The following TAF1D variants were observed in gnomAD, a reference collection of about 807,000 sequenced individuals.
TAF1D encodes the protein TATA-box binding protein associated factor, RNA polymerase I subunit D.
A neutral mutation model predicts 26.2 loss-of-function variants in TAF1D; 23 were observed. That is an observed-to-expected ratio of 0.88 (90% CI 0.63 to 1.25). TAF1D has a LOEUF of 1.25. Among genes scored for constraint, TAF1D ranks in the 50% most tolerant of loss-of-function variants. TAF1D has a pLI of 0.00. For missense variants in TAF1D, 299 were observed against 322.0 expected (o/e 0.93, Z 0.55); for synonymous variants, 100 against 105.6 (o/e 0.95, Z 0.33).
At position 93,736,154 on chromosome 11, in the gene TAF1D, G is replaced by A; in HGVS notation, c.*7C>T. 6.2e-7 allele frequency: 1 copy of A among 1,600,644 alleles called. No individual in the cohort carries two copies. Among genetic ancestry groups the A allele is most frequent in the Non-Finnish European group, 8.5e-7 (1 of 1,172,546 alleles). On this transcript the variant is annotated 3_prime_UTR_variant, in exon 6 of 6. Coordinates refer to ENST00000448108, the MANE Select transcript of TAF1D (RefSeq NM_024116.4). ...TATATGCTTCACCTTTGACATTCAT[G>A]ATCCTGTCACATTTTCAGGCCTCTC...
Position 93,741,219 on chromosome 11 carries a change from G to C in TAF1D, c.-28+103C>G, listed in dbSNP as rs1412960918. On this transcript the variant is annotated intron_variant, in intron 1 of 5. Transcript: ENST00000448108. ...TTCACCCTCTCGGACCGACTTCGGA[G>C]TCTCGATCCTCCGGACCAACGAAGG... The C allele has an allele frequency of 3.8e-5, 16 of 425,700 alleles. No individual in the cohort carries two copies. The East Asian group carries it at 9.8e-4, about 26-fold the overall frequency. The allele number at this position is 425,700 out of a possible 1,614,324, so 26.4% of individuals were successfully genotyped here.
Position 93,737,213 on chromosome 11 carries a change from G to A in TAF1D, c.486C>T (p.Asn162=), listed in dbSNP as rs1940968374. 2 of 1,601,948 alleles carry A rather than the reference G, an allele frequency of 1.2e-6. No homozygotes were observed. The highest frequency in any genetic ancestry group is 2.7e-5 in the African/African-American group (2 of 74,300). ...GTTCATACTTCAGTTTTTCAATATA[G>A]TTAAAAAATCCTCTTGCAACAGCTT... ...FEQAVARGFF[N]YIEKLKYEHH... The change falls in exon 4 of 6, where the codon AAC becomes AAT. Residue 162 remains asparagine, a synonymous_variant. Coordinates refer to ENST00000448108, the MANE Select transcript of TAF1D (RefSeq NM_024116.4).
At chr11:93,740,827 G>C (rs1449867506) in intron 1 of TAF1D, among the ~76,000 whole-genome samples, 1 of 152,138 alleles carries the variant, frequency 6.6e-6, no homozygotes, top group African/African-American at 2.4e-5. Flanking sequence ...TCAAAATAAA[G>C]CTAGCTCAAT....
downstream of TAF1D, chr11:93,732,352 C>A: frequency 1.9e-6 from 1 of 517,794 alleles, no homozygotes; most frequent in Non-Finnish European, 3.8e-6. Flanking sequence ...TCTGAGAAAC[C>A]TACACAAATA....
At position 93,730,292 on chromosome 11, in the gene TAF1D, T is replaced by G. The variant is rs773222918; in HGVS notation, c.*1159A>C. 86 of 1,489,142 alleles carry G rather than the reference T, an allele frequency of 5.8e-5. No homozygotes were observed. The South Asian group carries it at 1.0e-3, about 18-fold the overall frequency. 92.2% of individuals were successfully genotyped at this position (1,489,142 alleles called of 1,614,324 possible). A position where few individuals can be genotyped will look rare whatever the true frequency, so the allele number is the denominator to read the frequency against. On this transcript the variant is annotated 3_prime_UTR_variant and NMD_transcript_variant, in exon 12 of 12. Coordinates refer to the TAF1D transcript ENST00000323981. ...TGACTTTCTAGAAATAGTGTAAAGGTTTTTTAATTGTGTATATGTAGCATT... is the reference window on the plus strand; with the variant it reads ...TGACTTTCTAGAAATAGTGTAAAGGGTTTTTAATTGTGTATATGTAGCATT...
downstream of TAF1D, chr11:93,735,320 C>T (rs1398940069): frequency 8.3e-7 from 1 of 1,205,282 alleles, no homozygotes; most frequent in Non-Finnish European, 1.1e-6. Flanking sequence ...ACTGGTTCTC[C>T]CCAGGTATAC....
At chr11:93,734,792 A>G (rs996002672), downstream of TAF1D, 11 of 1,244,294 alleles carry the variant, frequency 8.8e-6, no homozygotes, top group African/African-American at 1.2e-4. Context: ...TTTTTTTCTT[A>G]AGAGACAGGG....
Position 93,738,489 on chromosome 11 carries a change from A to T in TAF1D, c.79T>A (p.Ser27Thr). 6.4e-7 allele frequency: 1 copy of T among 1,569,532 alleles called. No homozygotes were observed. Among genetic ancestry groups the T allele is most frequent in the South Asian group, 1.2e-5 (1 of 83,856 alleles). The part of the protein sequence containing the change: ...VELANRSDNS[S>T]DSSLFKTQCI... ...TGAGTTTTAAATAAGCTGCTATCAG[A>T]AGAGTTATCACTAGAAAAATGGGAA... is the stretch of plus-strand genomic sequence containing the variant. The change falls in exon 3 of 6, where the codon TCT becomes ACT. Residue 27 changes from serine to threonine, a missense_variant. Physicochemically the swap from Ser to Thr is moderately conservative, Grantham distance 58. Coordinates refer to ENST00000448108, the MANE Select transcript of TAF1D (RefSeq NM_024116.4).
At chr11:93,736,861 C>A (rs1940910099) in intron 4 of TAF1D, 110 bp from the exon 5 acceptor site, 1 of 1,317,598 alleles carries the variant, frequency 7.6e-7, no homozygotes, top group Admixed American at 2.6e-5. Flanking sequence ...AAAGGAAACA[C>A]AAAATTTGAG....
downstream of TAF1D, chr11:93,732,961 T>C (rs552076663): frequency 8.4e-4 from 261 of 310,286 alleles, no homozygotes; most frequent in Non-Finnish European, 1.4e-3. Context: ...TATACAAATA[T>C]ATACATTGTA....
chr11:93,730,274 C>A, exon 12 of TAF1D: 1 of 1,538,544 alleles, frequency 6.5e-7, no homozygotes. Context: ...TGCTGACTTT[C>A]TAGAAATAGT....
At chr11:93,736,454 T>G (rs929530324) in intron 5 of TAF1D, 150 bp from the exon 6 acceptor site, 6 of 1,423,272 alleles carry the variant, frequency 4.2e-6, no homozygotes, top group Non-Finnish European at 5.5e-6. Flanking sequence ...ATTTTTTCAT[T>G]TGACATCCTA....
rs1942046257 is a variant in TAF1D, at chr11:93,741,492, A to G, written c.-198T>C. 2.2e-6 allele frequency: 1 copy of G among 455,970 alleles called. No individual in the cohort carries two copies. Among genetic ancestry groups the G allele is most frequent in the Admixed American group, 2.4e-5 (1 of 42,530 alleles). 28.2% of individuals were successfully genotyped at this position (455,970 alleles called of 1,614,324 possible). ...GACCTCCTCCAACCGTGCGGAAGAA[A>G]AGGGTTGGCTATTTCCGTGGCCCAA... On this transcript the variant is annotated 5_prime_UTR_variant, in exon 1 of 6. Transcript: ENST00000448108.
intron 1 of TAF1D, 104 bp downstream of exon 1, chr11:93,741,218 A>G: frequency 4.7e-6 from 2 of 423,758 alleles, no homozygotes; most frequent in South Asian, 3.4e-5. Context: ...CCGACTTCGG[A>G]GTCTCGATCC....
chr11:93,731,011 T>A, downstream of TAF1D: 1 of 518,944 alleles, frequency 1.9e-6, no homozygotes, highest in South Asian at 1.4e-5. Context: ...GCTAGCAAAG[T>A]AGCAGATAGA....
In TAF1D at chr11:93,741,368, A is replaced by G; in HGVS notation, c.-74T>C. ...CCCAACCGCGCACTTGCTGCTTGTA[A>G]CCCAGGCCTCGGCCCAAAACCCGCG... On this transcript the variant is annotated 5_prime_UTR_variant, in exon 1 of 6. Transcript: ENST00000448108. 2.2e-6 allele frequency: 1 copy of G among 450,592 alleles called. No individual in the cohort carries two copies. The highest frequency in any genetic ancestry group is 4.4e-6 in the Non-Finnish European group (1 of 225,588). 27.9% of individuals were successfully genotyped at this position (450,592 alleles called of 1,614,324 possible).
Position 93,736,095 on chromosome 11 carries a change from TTA to T in TAF1D, c.*64_*65del. 3 of 1,602,460 alleles carry T rather than the reference TTA, an allele frequency of 1.9e-6. No individual in the cohort carries two copies. In the South Asian group the frequency reaches 3.4e-5, roughly 18 times the overall value. On this transcript the variant is annotated 3_prime_UTR_variant, in exon 6 of 6. Coordinates refer to ENST00000448108, the MANE Select transcript of TAF1D (RefSeq NM_024116.4). ...ACCAGACTGGTACATATATCCACAT[TTA>T]TCTTTATTCATTTCTATGAAGTCGT...
At chr11:93,734,721 C>A (rs1426926697), downstream of TAF1D, 2 of 1,286,628 alleles carry the variant, frequency 1.6e-6, no homozygotes, top group Admixed American at 4.6e-5. Context: ...AAAATTAATA[C>A]TGCTGAGGAT....
In TAF1D at chr11:93,736,044, G is replaced by A. The variant is rs185591721; in HGVS notation, c.*117C>T. On this transcript the variant is annotated 3_prime_UTR_variant, in exon 6 of 6. Transcript: ENST00000448108. ...TAAAAATTTTTTTTCTTGTTATAAA[G>A]TTCTGGGTTTCAGAATTTCTTCACC... is the stretch of plus-strand genomic sequence containing the variant. 8.9e-4 allele frequency: 1,306 copies of A among 1,472,268 alleles called. 14 individuals carry two copies. In the African/African-American group the frequency reaches 0.017, roughly 20 times the overall value. The allele number at this position is 1,472,268 out of a possible 1,614,324, so 91.2% of individuals were successfully genotyped here. A position where few individuals can be genotyped will look rare whatever the true frequency, so the allele number is the denominator to read the frequency against.
Sources: gnomAD v4.1 joint callset for allele counts (sites outside exome capture counted in the v4.1 genomes callset) on GRCh38, gnomAD v4.1.1 for gene constraint, MANE v1.5 for transcripts, NCBI Gene and HGNC (gene_info 2026-07-23, HGNC 2026-07-21) for gene names.